SLC15A2: variants seen among roughly 807,000 people sequenced by gnomAD.
The protein encoded by SLC15A2 is solute carrier family 15 member 2.
A neutral mutation model predicts 95.5 loss-of-function variants in SLC15A2; 77 were observed. The observed-to-expected ratio is 0.81, with a 90% CI of 0.67 to 0.97. The LOEUF (loss-of-function observed/expected upper bound fraction) is 0.97. Ranked by LOEUF, SLC15A2 falls within the 50% of genes least tolerant of loss-of-function variation. The pLI is 0.00. For synonymous variants in SLC15A2, 306 were observed against 306.9 expected, an observed-to-expected ratio of 1.00 and a Z score of 0.03; for missense variants, 893 against 874.4, an observed-to-expected ratio of 1.02 and a Z score of -0.27.
At chr3:121,926,187 G>C (rs931315757) in intron 13 of SLC15A2, among the ~76,000 whole-genome samples, 6 of 152,140 alleles carry the variant, frequency 3.9e-5, no homozygotes, top group African/African-American at 1.4e-4. Context: ...ATCAGGAAAA[G>C]TCTTTGATGC....
chr3:121,939,478 G>T lies in SLC15A2; in HGVS notation c.1891G>T (p.Glu631Ter), dbSNP rs750562400. 4 of 1,503,912 alleles carry T rather than the reference G, an allele frequency of 2.7e-6. No individual in the cohort carries two copies. Among genetic ancestry groups the T allele is most frequent in the Non-Finnish European group, 3.5e-6 (4 of 1,127,058 alleles). 93.2% of individuals were successfully genotyped at this position (1,503,912 alleles called of 1,614,324 possible). ...GGTCATGTTCTCTGTCACAGGTCTT[G>T]AGTTTTCTTATTCTCAGGTAAGTTT... ...GEVMFSVTGL[E>*]FSYSQAPSSM... The change falls in exon 20 of 22, where the codon GAG (glutamate) becomes TAG (stop). Residue 631 changes from glutamate to a stop codon, truncating the protein, a stop_gained. Coordinates refer to ENST00000489711, the MANE Select transcript of SLC15A2 (RefSeq NM_021082.4). LOFTEE classifies it high-confidence loss of function.
At chr3:121,914,655 C>T (rs996342702) in intron 5 of SLC15A2, among the ~76,000 whole-genome samples, 8 of 152,080 alleles carry the variant, frequency 5.3e-5, no homozygotes, top group Admixed American at 5.2e-4. Flanking sequence ...TAATATATGT[C>T]GGATGCTGTG....
At chr3:121,930,631 T>C (rs1327555428) in intron 17 of SLC15A2, among the ~76,000 whole-genome samples, 2 of 152,060 alleles carry the variant, frequency 1.3e-5, no homozygotes, top group Non-Finnish European at 2.9e-5. Flanking sequence ...AAAAAGAAAC[T>C]TAGGGACAGC....
In SLC15A2 at chr3:121,911,606, T is replaced by C. The variant is rs1709768666; in HGVS notation, c.368T>C (p.Leu123Pro). ...TIIYLSLVYV[L>P]GHVIKSLGAL... is the part of the protein sequence containing the mutation. ...ATCTATCTCTCCTTGGTGTATGTGC[T>C]TGGCCATGTGATCAAGTCCTTGGGT... Residue 123 changes from leucine (L) to proline (P), a missense_variant, in exon 4 of 22, where the codon CTT (leucine) becomes CCT (proline). Physicochemically the swap from Leu to Pro is moderately conservative, Grantham distance 98. Coordinates refer to ENST00000489711, the MANE Select transcript of SLC15A2 (RefSeq NM_021082.4). 1 of 1,613,988 alleles carries C rather than the reference T, an allele frequency of 6.2e-7. No homozygotes were observed. The highest frequency in any genetic ancestry group is 8.5e-7 in the Non-Finnish European group (1 of 1,179,958).
intron 3 of SLC15A2, among the ~76,000 whole-genome samples, chr3:121,901,708 A>C (rs1480549934): frequency 6.6e-6 from 1 of 151,532 alleles, no homozygotes; most frequent in African/African-American, 2.4e-5. Context: ...AAAAGACAAG[A>C]CTCTTCCTTT....
At position 121,922,771 on chromosome 3, in the gene SLC15A2, C is replaced by G; in HGVS notation, c.781-4C>G. The G allele has an allele frequency of 6.2e-7, 1 of 1,611,654 alleles. No homozygotes were observed. The highest frequency in any genetic ancestry group is 8.5e-7 in the Non-Finnish European group (1 of 1,178,038). On this transcript the variant is annotated splice_polypyrimidine_tract_variant and splice_region_variant and intron_variant, in intron 8 of 21. Coordinates refer to ENST00000489711, the MANE Select transcript of SLC15A2 (RefSeq NM_021082.4). ...TCTCCCATGATGTCTACTCTCTGCC[C>G]TAGTTTGCTATTTCCAATCGTTTCA...
chr3:121,920,867 A>T (rs949715181), intron 7 of SLC15A2, among the ~76,000 whole-genome samples: 2 of 152,184 alleles, frequency 1.3e-5, no homozygotes, highest in Non-Finnish European at 2.9e-5. Flanking sequence ...TCACTGAGAA[A>T]ATCATCTTTA....
chr3:121,924,810 T>G (rs1382739583), intron 12 of SLC15A2, 135 bp from the exon 13 acceptor site: 1 of 713,472 alleles, frequency 1.4e-6, no homozygotes, highest in East Asian at 2.5e-5. Context: ...CTGAGGAATG[T>G]GGAGTCATTC....
At chr3:121,900,602 A>G (rs538601764) in intron 3 of SLC15A2, among the ~76,000 whole-genome samples, 2 of 152,288 alleles carry the variant, frequency 1.3e-5, no homozygotes, top group Non-Finnish European at 2.9e-5. Context: ...AATGGCCACT[A>G]GAGGAAAATG....
chr3:121,924,314 C>T (rs1292801330), intron 11 of SLC15A2, 37 bp from the exon 12 acceptor site: 5 of 1,586,262 alleles, frequency 3.2e-6, no homozygotes, highest in South Asian at 2.2e-5. Flanking sequence ...TTCTTTTCTT[C>T]AGACATCAAC....
At chr3:121,894,845 A>G (rs1200897825) in intron 1 of SLC15A2, among the ~76,000 whole-genome samples, 3 of 152,216 alleles carry the variant, frequency 2.0e-5, no homozygotes, top group Non-Finnish European at 4.4e-5. Context: ...CCCTGGGGGA[A>G]AAAAGCAATT....
chr3:121,929,380 T>C, intron 17 of SLC15A2, 32 bp downstream of exon 17: 1 of 1,606,656 alleles, frequency 6.2e-7, no homozygotes, highest in Non-Finnish European at 8.5e-7. Flanking sequence ...CAGGCCACTC[T>C]GTTTTCTTGA....
In SLC15A2 at chr3:121,922,262, C is replaced by G. The variant is rs540091469; in HGVS notation, c.740C>G (p.Pro247Arg). The G allele has an allele frequency of 1.2e-6, 2 of 1,613,974 alleles. No homozygotes were observed. Among genetic ancestry groups the G allele is most frequent in the South Asian group, 2.2e-5 (2 of 91,064 alleles). The change falls in exon 8 of 22, where the codon CCT becomes CGT. Residue 247 changes from proline (P) to arginine (R), a missense_variant. Coordinates refer to ENST00000489711, the MANE Select transcript of SLC15A2 (RefSeq NM_021082.4). ...MGSKIYNKPP[P>R]EGNIVAQVFK... Reference sequence around the variant, plus strand: ...AGCAAAATATACAATAAACCACCCCCTGAAGGAAACATAGTGGCTCAAGTT... The same window carrying G: ...AGCAAAATATACAATAAACCACCCCGTGAAGGAAACATAGTGGCTCAAGTT...
intron 19 of SLC15A2, among the ~76,000 whole-genome samples, chr3:121,935,322 T>C (rs1710318034): frequency 6.6e-6 from 1 of 152,208 alleles, no homozygotes; most frequent in Non-Finnish European, 1.5e-5. Flanking sequence ...TTGATTGGAA[T>C]AGTTTCAGAA....
At chr3:121,933,451 A>T (rs1420673492) in intron 19 of SLC15A2, among the ~76,000 whole-genome samples, 1 of 151,664 alleles carries the variant, frequency 6.6e-6, no homozygotes, top group Non-Finnish European at 1.5e-5. Context: ...AATGATTGCC[A>T]TTCTAACTGA....
chr3:121,927,534 A>G, intron 13 of SLC15A2: 2 of 466,694 alleles, frequency 4.3e-6, no homozygotes, highest in Non-Finnish European at 7.7e-6. Flanking sequence ...AAGCTCCTCG[A>G]TGCTTCACCA....
intron 3 of SLC15A2, among the ~76,000 whole-genome samples, chr3:121,903,685 C>G (rs1302564593): frequency 1.3e-5 from 2 of 152,026 alleles, no homozygotes; most frequent in East Asian, 1.9e-4. Context: ...ATTTCTGAGG[C>G]CTCTGTTCTG....
chr3:121,910,316 C>G (rs148454978), intron 3 of SLC15A2, among the ~76,000 whole-genome samples: 50 of 151,972 alleles, frequency 3.3e-4, no homozygotes, highest in African/African-American at 9.2e-4. Flanking sequence ...CCTGCCTCAG[C>G]CTCCCCGCTA....
chr3:121,900,830 A>G (rs1423811904), intron 3 of SLC15A2, among the ~76,000 whole-genome samples: 1 of 151,652 alleles, frequency 6.6e-6, no homozygotes, highest in African/African-American at 2.4e-5. Context: ...TTGTTTTCTC[A>G]CCCTTATATG....
Sources: allele counts gnomAD v4.1 joint callset (sites outside exome capture counted in the v4.1 genomes callset), GRCh38; gene constraint gnomAD v4.1.1; transcripts MANE v1.5; gene names NCBI Gene and HGNC (gene_info 2026-07-23, HGNC 2026-07-21).